VAV3: variants seen among roughly 807,000 people sequenced by gnomAD.
VAV3 encodes guanine nucleotide exchange factor VAV3.
A neutral mutation model predicts 131.2 loss-of-function variants in VAV3; 94 were observed. That is an observed-to-expected ratio of 0.72 (90% CI 0.61 to 0.85). VAV3 has a LOEUF of 0.85. Among genes scored for constraint, VAV3 ranks in the 40% least tolerant of loss-of-function variants. The pLI, the probability that VAV3 is intolerant of heterozygous loss-of-function variation, is 0.00. For missense variants in VAV3, 939 were observed against 1,002.7 expected (o/e 0.94, Z 0.86); for synonymous variants, 349 against 342.0 (o/e 1.02, Z -0.22).
In VAV3 at chr1:107,807,562, G is replaced by A. The variant is rs182147927; in HGVS notation, c.322-28070C>T. Among the ~76,000 whole-genome samples the A allele has an allele frequency of 2.0e-3, 298 of 152,318 alleles. 3 individuals carry two copies. The highest frequency in any genetic ancestry group is 6.9e-3 in the African/African-American group (285 of 41,584). On this transcript the variant is annotated intron_variant, in intron 2 of 26. Transcript: ENST00000370056. ...CTCCAGGGCCACTGCACTTGGCCTT[G>A]TGCAATGTGCACATAGCAAATCCCT... is the stretch of plus-strand genomic sequence containing the variant.
chr1:107,922,405 C>T (rs1229581023), intron 1 of VAV3, among the ~76,000 whole-genome samples: 1 of 152,042 alleles, frequency 6.6e-6, no homozygotes, highest in Non-Finnish European at 1.5e-5. Flanking sequence ...ACAGAAATAG[C>T]AATATCCTGA....
chr1:107,930,603 G>T (rs1282659720), intron 1 of VAV3, among the ~76,000 whole-genome samples: 2 of 152,030 alleles, frequency 1.3e-5, no homozygotes, highest in Non-Finnish European at 2.9e-5. Flanking sequence ...AAGAATTCCA[G>T]TCAAAAAATG....
rs1400050101 is a variant in VAV3, at chr1:107,572,277, C to A, written c.*1054G>T. 1 of 152,104 alleles carries A rather than the reference C, an allele frequency of 6.6e-6. No homozygotes were observed. Among genetic ancestry groups the A allele is most frequent in the Non-Finnish European group, 1.5e-5 (1 of 68,042 alleles). 9.4% of individuals were successfully genotyped at this position (152,104 alleles called of 1,614,324 possible). On this transcript the variant is annotated 3_prime_UTR_variant, in exon 27 of 27. Transcript: ENST00000370056. ...AAAGTCCACTGACCCTCTTTCTGTC[C>A]CAGAAATGAATAAAGGACCCAGTTG...
At chr1:107,741,941 C>T (rs1663046703) in intron 15 of VAV3, among the ~76,000 whole-genome samples, 1 of 152,164 alleles carries the variant, frequency 6.6e-6, no homozygotes, top group Non-Finnish European at 1.5e-5. Context: ...GCAAGCCAGA[C>T]TACTAGAAAG....
chr1:107,919,820 C>T (rs1008523198), intron 1 of VAV3, among the ~76,000 whole-genome samples: 26 of 151,144 alleles, frequency 1.7e-4, no homozygotes, highest in African/African-American at 6.1e-4. Context: ...TTAATAAGAA[C>T]AGAAAGAAAA....
rs1416166429 is a variant in VAV3, at chr1:107,918,711, T to A, written c.205-43694A>T. On this transcript the variant is annotated intron_variant, in intron 1 of 26. Transcript: ENST00000370056. The stretch of plus-strand genomic sequence containing the variant: ...CATATATATATATATATATATTTTT[T>A]TTTTTTTTTGAGAGATGGAGTTTTG... 3.0e-3 allele frequency among the ~76,000 whole-genome samples: 438 copies of A among 147,284 alleles called. 2 individuals carry two copies. Among genetic ancestry groups the A allele is most frequent in the East Asian group, 7.4e-3 (38 of 5,104 alleles).
chr1:107,577,240 A>G (rs1649724284), intron 25 of VAV3, among the ~76,000 whole-genome samples: 1 of 152,216 alleles, frequency 6.6e-6, no homozygotes, highest in Non-Finnish European at 1.5e-5. Context: ...TTTACATATG[A>G]GAAAAATCTG....
rs193064203 is a variant in VAV3 at position 107,725,069 on chromosome 1, A to G, written c.1503-20008T>C. On this transcript the variant is annotated intron_variant, in intron 15 of 26. Coordinates refer to ENST00000370056, the MANE Select transcript of VAV3 (RefSeq NM_006113.5). Reference sequence around the variant, plus strand: ...TAGCAATCTAGGTAGAAGACCCTGAAGACCTAAAGCAAGACAGTGACATCA... The same window carrying G: ...TAGCAATCTAGGTAGAAGACCCTGAGGACCTAAAGCAAGACAGTGACATCA... Among the ~76,000 whole-genome samples, 464 of 152,326 alleles carry G rather than the reference A, an allele frequency of 3.0e-3. 3 individuals are homozygous for G. The highest frequency in any genetic ancestry group is 9.5e-3 in the African/African-American group (396 of 41,572).
At chr1:107,632,349 C>T (rs898070207) in intron 20 of VAV3, among the ~76,000 whole-genome samples, 7 of 152,136 alleles carry the variant, frequency 4.6e-5, no homozygotes, top group Middle Eastern at 6.3e-3. Flanking sequence ...GTGATTCAGT[C>T]AGGGTGGTAA....
intron 19 of VAV3, among the ~76,000 whole-genome samples, chr1:107,656,057 T>C (rs1229890662): frequency 6.6e-6 from 1 of 152,000 alleles, no homozygotes; most frequent in African/African-American, 2.4e-5. Context: ...ATCAAAAAAC[T>C]AAAAAATACA....
chr1:107,732,243 G>T (rs1192794520), intron 15 of VAV3, among the ~76,000 whole-genome samples: 4 of 152,206 alleles, frequency 2.6e-5, no homozygotes, highest in Non-Finnish European at 5.9e-5. Flanking sequence ...TTGGGCAGCC[G>T]TTTCAAGATG....
intron 20 of VAV3, among the ~76,000 whole-genome samples, chr1:107,631,781 T>A (rs1368055745): frequency 1.3e-5 from 2 of 152,006 alleles, no homozygotes; most frequent in East Asian, 3.9e-4. Flanking sequence ...TCCAGCTTCA[T>A]CCTTGTCCCT....
chr1:107,778,102 A>G (rs1452166822), intron 3 of VAV3, among the ~76,000 whole-genome samples: 1 of 152,126 alleles, frequency 6.6e-6, no homozygotes, highest in Non-Finnish European at 1.5e-5. Flanking sequence ...AGCATATCAC[A>G]TGTTTCATAA....
chr1:107,821,320 A>G (rs1667783283), intron 2 of VAV3, among the ~76,000 whole-genome samples: 1 of 152,232 alleles, frequency 6.6e-6, no homozygotes, highest in Non-Finnish European at 1.5e-5. Context: ...GTCCTTCCTC[A>G]TGAAGCCAAA....
In VAV3 at chr1:107,680,823, G is replaced by A. The variant is rs150732558; in HGVS notation, c.1777+2665C>T. Among the ~76,000 whole-genome samples the A allele has an allele frequency of 2.3e-3, 356 of 152,246 alleles. 1 individual carries two copies. Among genetic ancestry groups the A allele is most frequent in the African/African-American group, 8.1e-3 (336 of 41,560 alleles). On this transcript the variant is annotated intron_variant, in intron 19 of 26. Coordinates refer to ENST00000370056, the MANE Select transcript of VAV3 (RefSeq NM_006113.5). ...GCACAGAGAGAGGAGGCAAACTGCCGAAGTTCAAACAGCAAGTAAACAGCT... is the reference window on the plus strand; with the variant it reads ...GCACAGAGAGAGGAGGCAAACTGCCAAAGTTCAAACAGCAAGTAAACAGCT...
At chr1:107,623,142 T>C (rs1322762389) in intron 20 of VAV3, among the ~76,000 whole-genome samples, 2 of 152,158 alleles carry the variant, frequency 1.3e-5, no homozygotes, top group Admixed American at 1.3e-4. Flanking sequence ...GGCAGTATCA[T>C]AGGATGTGTC....
At chr1:107,658,352 T>A (rs1039740749) in intron 19 of VAV3, among the ~76,000 whole-genome samples, 2 of 152,238 alleles carry the variant, frequency 1.3e-5, no homozygotes, top group East Asian at 1.9e-4. Context: ...CTATCATTGT[T>A]GGACATTTGG....
At chr1:107,616,704 A>T (rs1653179635) in intron 21 of VAV3, among the ~76,000 whole-genome samples, 1 of 152,206 alleles carries the variant, frequency 6.6e-6, no homozygotes, top group Non-Finnish European at 1.5e-5. Flanking sequence ...ATTATCCTAT[A>T]GGGCACATTC....
intron 2 of VAV3, among the ~76,000 whole-genome samples, chr1:107,866,237 C>A (rs1669980105): frequency 6.6e-6 from 1 of 152,130 alleles, no homozygotes; most frequent in African/African-American, 2.4e-5. Context: ...CTGAAATTTG[C>A]CTCGGTCTCT....
Sources: gnomAD v4.1 joint callset for allele counts (sites outside exome capture counted in the v4.1 genomes callset) on GRCh38, gnomAD v4.1.1 for gene constraint, MANE v1.5 for transcripts, NCBI Gene and HGNC (gene_info 2026-07-23, HGNC 2026-07-21) for gene names.